The following BEND4 variants were observed in gnomAD, a reference collection of about 807,000 sequenced individuals.
BEND4 encodes BEN domain-containing protein 4.
BEND4 carries 27 observed loss-of-function variants against 54.7 expected under a neutral mutation model. That is an observed-to-expected ratio of 0.49 (90% CI 0.36 to 0.68). BEND4 has a LOEUF of 0.68. BEND4 is among the 30% of genes least tolerant of loss of function. The pLI, the probability that BEND4 is intolerant of heterozygous loss-of-function variation, is 0.00. For synonymous variants in BEND4, 327 were observed against 299.5 expected (o/e 1.09, Z -0.95); for missense variants, 702 against 697.2 (o/e 1.01, Z -0.08).
intron 2 of BEND4, 82 bp downstream of exon 2, chr4:42,151,575 C>A: frequency 7.4e-7 from 1 of 1,345,814 alleles, no homozygotes. Flanking sequence ...TAAGTGTCGG[C>A]GGCCCCCCGC....
chr4:42,129,395 T>G (rs552079012), intron 3 of BEND4, among the ~76,000 whole-genome samples: 1 of 152,252 alleles, frequency 6.6e-6, no homozygotes, highest in African/African-American at 2.4e-5. Flanking sequence ...AACCTACCAT[T>G]GACATTCTTC....
At chr4:42,132,735 G>A (rs901570644) in intron 3 of BEND4, among the ~76,000 whole-genome samples, 8 of 152,188 alleles carry the variant, frequency 5.3e-5, no homozygotes, top group Admixed American at 2.0e-4. Flanking sequence ...GTGAGCCACC[G>A]CACCCAGCCT....
In BEND4 at chr4:42,143,568, G is replaced by T; in HGVS notation, c.914C>A (p.Pro305Gln). 6.4e-7 allele frequency: 1 copy of T among 1,568,098 alleles called. No homozygotes were observed. ...SPATSESHGHPSSSTLPEEEE... is the reference protein window; with the variant it reads ...SPATSESHGHQSSSTLPEEEE... ...CTCTTCTGGCAGTGTAGATGAAGAT[G>T]GGTGGCCATGGGATTCGGACGTTGC... The change falls in exon 3 of 6, where the codon CCA (proline) becomes CAA (glutamine). Residue 305 changes from proline (P) to glutamine (Q), a missense_variant. Physicochemically the swap from Pro to Gln is moderately conservative, Grantham distance 76 (BLOSUM62 -1). Transcript: ENST00000502486.
chr4:42,141,504 G>A (rs930638060), intron 3 of BEND4, among the ~76,000 whole-genome samples: 2 of 152,210 alleles, frequency 1.3e-5, no homozygotes, highest in East Asian at 1.9e-4. Context: ...GGCCAAGGCC[G>A]GCGGATCACC....
At chr4:42,134,995 G>GAATTTAC (rs1219077457) in intron 3 of BEND4, among the ~76,000 whole-genome samples, 1 of 152,234 alleles carries the variant, frequency 6.6e-6, no homozygotes, top group African/African-American at 2.4e-5. Flanking sequence ...GAGGATGCTA[G>GAATTTAC]AATTTACTCC....
rs1721306722 is a variant in BEND4 at position 42,151,899 on chromosome 4, G to C, written c.245C>G (p.Ala82Gly). ...SSEPPPQQFQ[A>G]QSSYPPGPGR... ...GGGCCCGGGGGGGTAGGAGCTCTGC[G>C]CCTGGAACTGCTGCGGCGGCGGCTC... The change falls in exon 2 of 6, where the codon GCG (alanine) becomes GGG (glycine). Residue 82 changes from alanine to glycine, a missense_variant. Transcript: ENST00000502486. 2 of 1,268,020 alleles carry C rather than the reference G, an allele frequency of 1.6e-6. No individual in the cohort carries two copies. Among genetic ancestry groups the C allele is most frequent in the African/African-American group, 3.1e-5 (2 of 63,946 alleles). 78.5% of individuals were successfully genotyped at this position (1,268,020 alleles called of 1,614,324 possible).
At chr4:42,143,373 G>A (rs919359669) in intron 3 of BEND4, 55 bp downstream of exon 3, 42 of 1,376,498 alleles carry the variant, frequency 3.1e-5, no homozygotes, top group Non-Finnish European at 4.1e-5. Context: ...AGACAGATGA[G>A]ACAAGTGAAA....
intron 3 of BEND4, among the ~76,000 whole-genome samples, chr4:42,136,490 AC>A (rs142249959): frequency 1.4e-4 from 22 of 152,198 alleles, no homozygotes; most frequent in African/African-American, 5.3e-4. Context: ...TGTATTTGTA[AC>A]CCCCAAATCA....
rs933981148 is a variant in BEND4 at position 42,143,754 on chromosome 4, G to T, written c.728C>A (p.Ser243Tyr). The T allele has an allele frequency of 1.2e-6, 2 of 1,613,852 alleles. No individual in the cohort carries two copies. Among genetic ancestry groups the T allele is most frequent in the South Asian group, 2.2e-5 (2 of 91,070 alleles). The change falls in exon 3 of 6, where the codon TCT (serine) becomes TAT (tyrosine). Residue 243 changes from serine (S) to tyrosine (Y), a missense_variant. Transcript: ENST00000502486. ...MQYMQRKQQTSAFLRVFTDSL... is the reference protein window; with the variant it reads ...MQYMQRKQQTYAFLRVFTDSL... ...GTCAGTGAAAACCCTCAAAAAGGCA[G>T]AAGTTTGTTGTTTCCTTTGCATATA...
intron 3 of BEND4, among the ~76,000 whole-genome samples, chr4:42,128,793 G>A (rs139352008): frequency 0.012 from 1,827 of 149,888 alleles, 37 homozygotes; most frequent in African/African-American, 0.044. Context: ...ACAAACAGCC[G>A]GGCGTGGTGG....
At chr4:42,149,201 C>G (rs1577771775) in intron 2 of BEND4, among the ~76,000 whole-genome samples, 1 of 149,304 alleles carries the variant, frequency 6.7e-6, no homozygotes, top group Non-Finnish European at 1.5e-5. Context: ...ACCCCCCCCA[C>G]CCCACCCAGT....
At chr4:42,125,775 G>A in intron 3 of BEND4, 101 bp from the exon 4 acceptor site, 1 of 718,852 alleles carries the variant, frequency 1.4e-6, no homozygotes, top group South Asian at 2.0e-5. Context: ...AGGTCTTACT[G>A]GCACCCATAC....
At chr4:42,122,617 A>T (rs564939169) in intron 4 of BEND4, among the ~76,000 whole-genome samples, 1 of 152,236 alleles carries the variant, frequency 6.6e-6, no homozygotes, top group African/African-American at 2.4e-5. Context: ...GCCACTAAAA[A>T]GGAGACTTCT....
chr4:42,120,376 T>TG, intron 4 of BEND4, 82 bp from the exon 5 acceptor site: 1 of 1,524,742 alleles, frequency 6.6e-7, no homozygotes. Flanking sequence ...AAGGCAAACA[T>TG]GCTTTTTTTA....
chr4:42,143,481 A>C lies in BEND4; in HGVS notation c.1001T>G (p.Ile334Ser). ...CTCTTCATTTTCTTGTTGCAGTGAAATAACCTCCTGCTCCAGCTCTTGGCA... is the reference window on the plus strand; with the variant it reads ...CTCTTCATTTTCTTGTTGCAGTGAACTAACCTCCTGCTCCAGCTCTTGGCA... ...PRCQELEQEV[I>S]SLQQENEELR... Residue 334 changes from isoleucine (I) to serine (S), a missense_variant, in exon 3 of 6, where the codon ATT becomes AGT. Coordinates refer to ENST00000502486, the MANE Select transcript of BEND4 (RefSeq NM_207406.4). 6.4e-7 allele frequency: 1 copy of C among 1,552,302 alleles called. No individual in the cohort carries two copies. The highest frequency in any genetic ancestry group is 8.7e-7 in the Non-Finnish European group (1 of 1,147,134).
At position 42,112,507 on chromosome 4, in the gene BEND4, T is replaced by C. The variant is rs1719614049; in HGVS notation, c.*5011A>G. ...TCTTACTAGCAAGACATGCTTTCAC[T>C]GTAATTTGAGGATCTGTGATTCAAT... On this transcript the variant is annotated 3_prime_UTR_variant, in exon 6 of 6. Transcript: ENST00000502486. 1 of 152,218 alleles carries C rather than the reference T, an allele frequency of 6.6e-6. No homozygotes were observed. The highest frequency in any genetic ancestry group is 1.5e-5 in the Non-Finnish European group (1 of 68,032). 9.4% of individuals were successfully genotyped at this position (152,218 alleles called of 1,614,324 possible).
chr4:42,124,995 G>A (rs1161913876), intron 4 of BEND4, among the ~76,000 whole-genome samples: 1 of 152,180 alleles, frequency 6.6e-6, no homozygotes, highest in Non-Finnish European at 1.5e-5. Context: ...GGATTCTCAT[G>A]GGGATTGTCC....
chr4:42,134,474 A>T (rs1412119524), intron 3 of BEND4, among the ~76,000 whole-genome samples: 1 of 152,204 alleles, frequency 6.6e-6, no homozygotes, highest in Non-Finnish European at 1.5e-5. Context: ...ATTTTTGTTC[A>T]TGTCAATATC....
rs771578436 is a variant in BEND4, at chr4:42,131,878, C to T, written c.1055-6204G>A. On this transcript the variant is annotated intron_variant, in intron 3 of 5. Coordinates refer to ENST00000502486, the MANE Select transcript of BEND4 (RefSeq NM_207406.4). ...TCCTCCCATCCTCCCACTCCTGGTC[C>T]TACAAGGCAGGGACCTTGAAGCACC... 1.3e-4 allele frequency among the ~76,000 whole-genome samples: 20 copies of T among 152,132 alleles called. 1 individual carries two copies. The highest frequency in any genetic ancestry group is 2.6e-4 in the Non-Finnish European group (18 of 68,024).
Sources: allele counts gnomAD v4.1 joint callset (sites outside exome capture counted in the v4.1 genomes callset), GRCh38; gene constraint gnomAD v4.1.1; transcripts MANE v1.5; gene names NCBI Gene and HGNC (gene_info 2026-07-23, HGNC 2026-07-21).